The following ELF1 variants were observed in gnomAD, a reference collection of about 807,000 sequenced individuals.
ELF1 encodes E74 like ETS transcription factor 1, also known as ETS-related transcription factor Elf-1.
Under a neutral mutation model 59.9 loss-of-function variants are expected in ELF1, and 24 were observed. The observed-to-expected ratio is 0.40, with a 90% CI of 0.29 to 0.56. The LOEUF is 0.56. Among genes scored for constraint, ELF1 ranks in the 20% least tolerant of loss-of-function variants. The probability of loss-of-function intolerance (pLI) is 0.44; values close to 1 mark genes in which losing one functional copy is unlikely to be tolerated. For missense variants in ELF1, 627 were observed against 742.2 expected, an observed-to-expected ratio of 0.84 and a Z score of 1.80; for synonymous variants, 248 against 266.2, an observed-to-expected ratio of 0.93 and a Z score of 0.67.
chr13:40,952,791 T>G (rs1870938149), intron 3 of ELF1, among the ~76,000 whole-genome samples: 2 of 152,158 alleles, frequency 1.3e-5, no homozygotes, highest in Admixed American at 1.3e-4. Flanking sequence ...CTTCAACTAT[T>G]ATCACCAAAT....
At chr13:41,032,951 C>T (rs9532711) in intron 1 of ELF1, among the ~76,000 whole-genome samples, 48,671 of 151,926 alleles carry the variant, frequency 0.32, 9,493 homozygotes, top group Middle Eastern at 0.46. Context: ...TAATGTCCTA[C>T]GGACTGATGA....
intron 1 of ELF1, among the ~76,000 whole-genome samples, chr13:41,025,015 T>C (rs147651797): frequency 6.6e-6 from 1 of 152,300 alleles, no homozygotes; most frequent in Admixed American, 6.5e-5. Context: ...GAAATGATTA[T>C]CACTTATGGC....
intron 1 of ELF1, among the ~76,000 whole-genome samples, chr13:41,036,111 T>C (rs892640657): frequency 1.3e-5 from 2 of 151,812 alleles, no homozygotes; most frequent in Admixed American, 6.6e-5. Context: ...AGAGACAGGA[T>C]TTCACCGTGT....
chr13:40,992,112 T>C (rs1411173454), intron 1 of ELF1, among the ~76,000 whole-genome samples: 2 of 152,254 alleles, frequency 1.3e-5, no homozygotes, highest in Non-Finnish European at 2.9e-5. Context: ...TCACATTTTA[T>C]TCTTTCCACG....
upstream of ELF1, chr13:41,019,332 G>A (rs1188597675): frequency 3.0e-6 from 3 of 985,302 alleles, no homozygotes; most frequent in African/African-American, 3.5e-5. Flanking sequence ...AGTGGTGTCT[G>A]TGCTTCAGCT....
chr13:41,017,114 A>C (rs937782993), intron 1 of ELF1, among the ~76,000 whole-genome samples: 5 of 151,096 alleles, frequency 3.3e-5, no homozygotes, highest in Admixed American at 1.3e-4. Context: ...AACAGTGAAA[A>C]ACAAAAAGTT....
rs76437514 is a variant in ELF1, at chr13:40,952,286, A to C, written c.254-850T>G. Among the ~76,000 whole-genome samples the C allele has an allele frequency of 3.7e-3, 565 of 152,316 alleles. 2 individuals carry two copies. Among genetic ancestry groups the C allele is most frequent in the African/African-American group, 0.013 (542 of 41,566 alleles). On this transcript the variant is annotated intron_variant, in intron 3 of 8. Transcript: ENST00000239882. ...TTAATTTTTTTTGGCAAGACTAAAA[A>C]AAAATTTATGTATTTTGATGACAGC...
intron 1 of ELF1, among the ~76,000 whole-genome samples, chr13:40,982,594 T>C (rs1873341970): frequency 1.3e-5 from 2 of 151,390 alleles, no homozygotes; most frequent in Admixed American, 1.3e-4. Context: ...TAATGAGGGT[T>C]GTAATCGCAA....
intron 1 of ELF1, among the ~76,000 whole-genome samples, chr13:40,994,914 G>C (rs1481183218): frequency 6.6e-6 from 1 of 152,152 alleles, no homozygotes; most frequent in Non-Finnish European, 1.5e-5. Context: ...GAATACAGCA[G>C]ATTCCCATTA....
intron 1 of ELF1, among the ~76,000 whole-genome samples, chr13:41,015,152 C>T (rs772503331): frequency 5.3e-5 from 8 of 151,850 alleles, no homozygotes; most frequent in Non-Finnish European, 1.2e-4. Flanking sequence ...AGAGGGAAAC[C>T]AAGAAGCAAC....
chr13:41,024,900 TCTC>T (rs1566192885), intron 1 of ELF1, among the ~76,000 whole-genome samples: 1 of 152,112 alleles, frequency 6.6e-6, no homozygotes, highest in African/African-American at 2.4e-5. Context: ...AACATCACAG[TCTC>T]CTCCTAACTG....
intron 2 of ELF1, among the ~76,000 whole-genome samples, chr13:40,961,385 C>G (rs1871809191): frequency 6.6e-6 from 1 of 152,002 alleles, no homozygotes; most frequent in Non-Finnish European, 1.5e-5. Flanking sequence ...AACTAGGAGG[C>G]TCAAAAATTA....
intron 1 of ELF1, among the ~76,000 whole-genome samples, chr13:41,043,515 T>C (rs1270276065): frequency 6.6e-6 from 1 of 152,070 alleles, no homozygotes; most frequent in Non-Finnish European, 1.5e-5. Context: ...TTCAGCTTTC[T>C]ACATATGTCT....
chr13:40,995,407 G>C (rs930013481), intron 1 of ELF1, among the ~76,000 whole-genome samples: 1 of 152,100 alleles, frequency 6.6e-6, no homozygotes, highest in African/African-American at 2.4e-5. Context: ...TGTAAGACAG[G>C]ATGTCTGAAT....
Position 41,047,422 on chromosome 13 carries a change from G to A in ELF1, c.-229+13416C>T, listed in dbSNP as rs575821504. ...ATCTTTGTGGTTTTATCTACCTTTG[G>A]TCTTTGATGATGGTGACGTACAGAT... On this transcript the variant is annotated intron_variant, in intron 1 of 1. Coordinates refer to the ELF1 transcript ENST00000405737. 2.6e-5 allele frequency among the ~76,000 whole-genome samples: 4 copies of A among 152,192 alleles called. No individual in the cohort carries two copies. In the South Asian group the frequency reaches 8.3e-4, roughly 32 times the overall value.
At chr13:40,936,671 G>A (rs2138108950) in intron 8 of ELF1, among the ~76,000 whole-genome samples, 1 of 145,026 alleles carries the variant, frequency 6.9e-6, no homozygotes, top group East Asian at 2.0e-4. Flanking sequence ...TGAGGCAGGA[G>A]AATGGCGTGA....
At chr13:40,998,136 C>A (rs1056202172) in intron 1 of ELF1, among the ~76,000 whole-genome samples, 2 of 152,018 alleles carry the variant, frequency 1.3e-5, no homozygotes, top group African/African-American at 2.4e-5. Flanking sequence ...GACAGAGAGA[C>A]CCTGTCTCAA....
chr13:41,053,403 A>C (rs1237168607), intron 1 of ELF1, among the ~76,000 whole-genome samples: 1 of 152,170 alleles, frequency 6.6e-6, no homozygotes, highest in African/African-American at 2.4e-5. Flanking sequence ...CCATTAGTAC[A>C]TTACCAAAAC....
chr13:41,026,877 T>C (rs1045086009), intron 1 of ELF1, among the ~76,000 whole-genome samples: 1 of 152,206 alleles, frequency 6.6e-6, no homozygotes, highest in Non-Finnish European at 1.5e-5. Flanking sequence ...TACACTGTCT[T>C]TTCTCACCCA....
Sources: allele counts gnomAD v4.1 joint callset (sites outside exome capture counted in the v4.1 genomes callset), GRCh38; gene constraint gnomAD v4.1.1; transcripts MANE v1.5; gene names NCBI Gene and HGNC (gene_info 2026-07-23, HGNC 2026-07-21).